FAM53A: variants seen among roughly 807,000 people sequenced by gnomAD.
FAM53A encodes family with sequence similarity 53 member A.
A neutral mutation model predicts 26.6 loss-of-function variants in FAM53A; 28 were observed. That is an observed-to-expected ratio of 1.05 (90% CI 0.78 to 1.45). The LOEUF (loss-of-function observed/expected upper bound fraction) is 1.45, where lower values mean the gene tolerates loss of function less well. Among genes scored for constraint, FAM53A ranks in the 40% most tolerant of loss-of-function variants. FAM53A has a pLI of 0.00. For missense variants in FAM53A, 650 were observed against 575.8 expected, an observed-to-expected ratio of 1.13 and a Z score of -1.32; for synonymous variants, 290 against 253.1, an observed-to-expected ratio of 1.15 and a Z score of -1.38.
chr4:1,683,166 A>C (rs1715575844), intron 1 of FAM53A, among the ~76,000 whole-genome samples: 1 of 152,158 alleles, frequency 6.6e-6, no homozygotes, highest in Admixed American at 6.5e-5. Context: ...TAACTAACCC[A>C]ATTTAAAGAA....
At chr4:1,677,870 G>C (rs926737888) in intron 1 of FAM53A, among the ~76,000 whole-genome samples, 1 of 152,194 alleles carries the variant, frequency 6.6e-6, no homozygotes, top group Non-Finnish European at 1.5e-5. Flanking sequence ...GCTTGAATCC[G>C]GGAGGCAGAG....
the FAM53A span, among the ~76,000 whole-genome samples, chr4:1,607,164 A>G: frequency 1.3e-4 from 20 of 152,102 alleles, no homozygotes; most frequent in Admixed American, 3.3e-4. Flanking sequence ...GATTACAGGC[A>G]TGCGCCACCA....
At chr4:1,586,618 A>G in the FAM53A span, among the ~76,000 whole-genome samples, 1 of 144,762 alleles carries the variant, frequency 6.9e-6, no homozygotes, top group Non-Finnish European at 1.5e-5. Context: ...TACTAAAAAA[A>G]TATATATATA....
intron 1 of FAM53A, among the ~76,000 whole-genome samples, chr4:1,625,567 G>A (rs1715253487): frequency 5.7e-5 from 4 of 70,414 alleles, no homozygotes; most frequent in Admixed American, 1.3e-4. Context: ...CCCGGCCCAC[G>A]TGGTCAGGGT....
At chr4:1,585,699 T>C in the FAM53A span, among the ~76,000 whole-genome samples, 3 of 152,214 alleles carry the variant, frequency 2.0e-5, no homozygotes, top group African/African-American at 4.8e-5. Context: ...AGGTCCTCCA[T>C]GTTCATCCAC....
chr4:1,678,296 T>C (rs375177553), intron 1 of FAM53A, among the ~76,000 whole-genome samples: 1 of 152,142 alleles, frequency 6.6e-6, no homozygotes. Flanking sequence ...TGATCCATGA[T>C]TGCACTGCTG....
chr4:1,579,928 G>A, the FAM53A span, among the ~76,000 whole-genome samples: 1 of 152,202 alleles, frequency 6.6e-6, no homozygotes, highest in Non-Finnish European at 1.5e-5. Context: ...TGACTCGAAG[G>A]AGAAACAATG....
chr4:1,625,876 G>C (rs556929851), intron 1 of FAM53A, among the ~76,000 whole-genome samples: 53 of 152,346 alleles, frequency 3.5e-4, no homozygotes, highest in Non-Finnish European at 6.5e-4. Flanking sequence ...GCCAGCACAG[G>C]TCATGTCTGG....
intron 1 of FAM53A, among the ~76,000 whole-genome samples, chr4:1,675,055 G>A (rs965840423): frequency 3.3e-5 from 5 of 152,336 alleles, no homozygotes; most frequent in East Asian, 3.9e-4. Context: ...CAGCCTTTTC[G>A]AGGGGCGATC....
chr4:1,585,199 AC>A, the FAM53A span, among the ~76,000 whole-genome samples: 3 of 151,672 alleles, frequency 2.0e-5, no homozygotes, highest in East Asian at 5.8e-4. Flanking sequence ...GATCTCTTGA[AC>A]TTACTCTTCC....
intron 1 of FAM53A, among the ~76,000 whole-genome samples, chr4:1,626,042 C>T (rs533872780): frequency 1.3e-5 from 2 of 152,178 alleles, no homozygotes; most frequent in African/African-American, 2.4e-5. Flanking sequence ...TGCCCCGACT[C>T]GGTGTGGCTG....
At chr4:1,653,906 A>T (rs1458992731) in intron 4 of FAM53A, among the ~76,000 whole-genome samples, 2 of 152,120 alleles carry the variant, frequency 1.3e-5, no homozygotes. Context: ...TTCTCCAGTC[A>T]CTGTCCCCAC....
chr4:1,680,535 G>A (rs1715361925), intron 1 of FAM53A, among the ~76,000 whole-genome samples: 1 of 152,144 alleles, frequency 6.6e-6, no homozygotes, highest in Non-Finnish European at 1.5e-5. Flanking sequence ...GATGCCCATA[G>A]CAGCTGTATC....
At chr4:1,627,386 G>C (rs972707927) in intron 1 of FAM53A, among the ~76,000 whole-genome samples, 1 of 152,194 alleles carries the variant, frequency 6.6e-6, no homozygotes, top group African/African-American at 2.4e-5. Context: ...GCCGACTGAC[G>C]GATACACCTC....
At chr4:1,587,021 G>T in the FAM53A span, among the ~76,000 whole-genome samples, 1 of 152,150 alleles carries the variant, frequency 6.6e-6, no homozygotes, top group African/African-American at 2.4e-5. Context: ...CAACCCGTTG[G>T]CCATTTGTGT....
chr4:1,583,513 A>G, the FAM53A span, among the ~76,000 whole-genome samples: 1 of 152,220 alleles, frequency 6.6e-6, no homozygotes, highest in African/African-American at 2.4e-5. Flanking sequence ...GCAGGGATCA[A>G]GCACTTTGCA....
At chr4:1,655,829 C>T in intron 3 of FAM53A, 106 bp from the exon 4 acceptor site, 1 of 1,309,602 alleles carries the variant, frequency 7.6e-7, no homozygotes, top group Non-Finnish European at 1.0e-6. Context: ...GGCACAACCC[C>T]ATCGCCGCCA....
chr4:1,628,951 C>G (rs1715485187), intron 1 of FAM53A, among the ~76,000 whole-genome samples: 1 of 151,866 alleles, frequency 6.6e-6, no homozygotes, highest in Non-Finnish European at 1.5e-5. Context: ...AGTTTGAGTA[C>G]CTTCTCCCCT....
Position 1,661,312 on chromosome 4 carries a change from G to A in FAM53A, c.76-3844C>T, listed in dbSNP as rs533474804. ...CATCACCCACCTTCCAGCTCCACCCGGAGGTCACAGCCCGGCGCCCTATGT... is the reference window on the plus strand; with the variant it reads ...CATCACCCACCTTCCAGCTCCACCCAGAGGTCACAGCCCGGCGCCCTATGT... On this transcript the variant is annotated intron_variant, in intron 2 of 4. Coordinates refer to ENST00000308132, the MANE Select transcript of FAM53A (RefSeq NM_001174070.3). Among the ~76,000 whole-genome samples the A allele has an allele frequency of 6.6e-5, 10 of 152,174 alleles. No individual in the cohort carries two copies. The South Asian group carries it at 8.3e-4, about 13-fold the overall frequency.
Sources: gnomAD v4.1 joint callset for allele counts (sites outside exome capture counted in the v4.1 genomes callset) on GRCh38, gnomAD v4.1.1 for gene constraint, MANE v1.5 for transcripts, NCBI Gene and HGNC (gene_info 2026-07-23, HGNC 2026-07-21) for gene names.